The following IRAG2 variants were observed in gnomAD, a reference collection of about 807,000 sequenced individuals.
The protein encoded by IRAG2 is inositol 1,4,5-triphosphate receptor associated 2, also known as lymphoid restricted membrane protein.
A neutral mutation model predicts 69.9 loss-of-function variants in IRAG2; 45 were observed. That is an observed-to-expected ratio of 0.64 (90% CI 0.51 to 0.83). The LOEUF is 0.83. Ranked by LOEUF, IRAG2 falls within the 40% of genes least tolerant of loss-of-function variation. The probability of loss-of-function intolerance (pLI) is 0.00; values close to 1 mark genes in which losing one functional copy is unlikely to be tolerated. For synonymous variants in IRAG2, 193 were observed against 202.4 expected, an observed-to-expected ratio of 0.95 and a Z score of 0.40; for missense variants, 520 against 587.0, an observed-to-expected ratio of 0.89 and a Z score of 1.18.
Position 25,011,508 on chromosome 12 carries a change from C to T in IRAG2, c.853C>T (p.Gln285Ter), listed in dbSNP as rs1944474833. 11 of 1,231,548 alleles carry T rather than the reference C, an allele frequency of 8.9e-6. No homozygotes were observed. The highest frequency in any genetic ancestry group is 1.0e-5 in the Non-Finnish European group (10 of 987,952). The allele number at this position is 1,231,548 out of a possible 1,614,324, so 76.3% of individuals were successfully genotyped here. A position where few individuals can be genotyped will look rare whatever the true frequency, so the allele number is the denominator to read the frequency against. Reference sequence around the variant, plus strand: ...CCCACATGTGGACCTGGAAACTTTCCAGGCCATGATGAAAGACTGGATGGC... The same window carrying T: ...CCCACATGTGGACCTGGAAACTTTCTAGGCCATGATGAAAGACTGGATGGC... The change falls in exon 3 of 39, where the codon CAG (glutamine) becomes TAG (stop). Residue 285 changes from glutamine (Q) to a stop codon, truncating the protein, a stop_gained. Transcript: ENST00000636465. LOFTEE classifies it high-confidence loss of function.
intron 10 of IRAG2, among the ~76,000 whole-genome samples, chr12:25,085,702 A>T (rs867433668): frequency 1.1e-4 from 17 of 152,160 alleles, no homozygotes; most frequent in African/African-American, 4.1e-4. Flanking sequence ...CTCACTGGGG[A>T]CCCCGCCTTT....
rs1436751678 is a variant in IRAG2 at position 25,015,150 on chromosome 12, G to GTTTTT, written c.897-28_897-27insTTTTT. 1.2e-3 allele frequency: 1,138 copies of GTTTTT among 932,028 alleles called. 2 individuals carry two copies. The African/African-American group carries it at 0.014, about 11-fold the overall frequency. 57.7% of individuals were successfully genotyped at this position (932,028 alleles called of 1,614,324 possible). The stretch of plus-strand genomic sequence containing the variant: ...TCAGGCAAAGAATCCTAGCTCACTG[G>GTTTTT]TTTTGTTTTTTTTTTTTTTTTTTGG... On this transcript the variant is annotated intron_variant, in intron 3 of 38. Transcript: ENST00000636465.
At chr12:25,045,600 C>T (rs779957953) in intron 16 of IRAG2, among the ~76,000 whole-genome samples, 3 of 151,752 alleles carry the variant, frequency 2.0e-5, no homozygotes, top group Non-Finnish European at 4.4e-5. Flanking sequence ...CAATTTTATG[C>T]CAACAAATTA....
intron 15 of IRAG2, chr12:25,037,826 A>G (rs1018899245): frequency 2.5e-6 from 1 of 394,408 alleles, no homozygotes; most frequent in African/African-American, 2.1e-5. Context: ...TAATTAACAT[A>G]CAATTGAGAA....
chr12:25,036,954 T>A (rs1432511132), intron 15 of IRAG2, among the ~76,000 whole-genome samples: 1 of 152,198 alleles, frequency 6.6e-6, no homozygotes, highest in Non-Finnish European at 1.5e-5. Flanking sequence ...TTTATCTCCT[T>A]GTAAGAATTG....
At chr12:25,003,916 G>A (rs573037684), upstream of IRAG2, among the ~76,000 whole-genome samples, 19 of 152,314 alleles carry the variant, frequency 1.2e-4, no homozygotes, top group East Asian at 3.3e-3. Flanking sequence ...TAAATAAAAA[G>A]CAATGTGGTT....
At chr12:25,036,410 A>C (rs1944702516) in intron 14 of IRAG2, among the ~76,000 whole-genome samples, 1 of 152,226 alleles carries the variant, frequency 6.6e-6, no homozygotes, top group Non-Finnish European at 1.5e-5. Context: ...ATGATATAGC[A>C]TATACACATG....
At chr12:25,091,290 A>C (rs1948040342) in intron 14 of IRAG2, among the ~76,000 whole-genome samples, 1 of 152,152 alleles carries the variant, frequency 6.6e-6, no homozygotes, top group African/African-American at 2.4e-5. Flanking sequence ...GGTAACCATT[A>C]TCCTACTGAC....
chr12:25,083,529 G>A (rs1057289289), intron 10 of IRAG2, 36 bp downstream of exon 10: 4 of 1,302,448 alleles, frequency 3.1e-6, no homozygotes, highest in Admixed American at 1.7e-5. Context: ...AAAGGTGGTG[G>A]TATCTTACAA....
chr12:25,049,706 G>A (rs562373766), upstream of IRAG2, among the ~76,000 whole-genome samples: 12 of 152,266 alleles, frequency 7.9e-5, no homozygotes, highest in Admixed American at 2.6e-4. Flanking sequence ...TTAAAAGACG[G>A]CCGGATGCGG....
At position 25,083,506 on chromosome 12, in the gene IRAG2, G is replaced by T; in HGVS notation, c.315+13G>T. Reference sequence around the variant, plus strand: ...CATATTAAATCTGGTAAGGAAATACGTATGTTCACAACAAAGGTGGTGGTA... The same window carrying T: ...CATATTAAATCTGGTAAGGAAATACTTATGTTCACAACAAAGGTGGTGGTA... On this transcript the variant is annotated intron_variant, in intron 10 of 21. Transcript: ENST00000556887. The T allele has an allele frequency of 6.5e-7, 1 of 1,531,132 alleles. No individual in the cohort carries two copies. The highest frequency in any genetic ancestry group is 1.1e-5 in the South Asian group (1 of 88,976). The allele number at this position is 1,531,132 out of a possible 1,614,324, so 94.8% of individuals were successfully genotyped here.
In IRAG2 at chr12:25,077,209, G is replaced by GATATATATATATGAAATATATGAT. The variant is rs376784693; in HGVS notation, c.25-2027_25-2026insATATGAAATATATGATATATATAT. Among the ~76,000 whole-genome samples, 12 of 33,720 alleles carry GATATATATATATGAAATATATGAT rather than the reference G, an allele frequency of 3.6e-4. 1 individual carries two copies. The highest frequency in any genetic ancestry group is 9.0e-4 in the African/African-American group (11 of 12,252). The allele number at this position is 33,720 out of a possible 152,430, so 22.1% of individuals were successfully genotyped here. A position where few individuals can be genotyped will look rare whatever the true frequency, so the allele number is the denominator to read the frequency against. On this transcript the variant is annotated intron_variant, in intron 6 of 21. Transcript: ENST00000556887. ...TGATATATATATGAAATATATATAT[G>GATATATATATATGAAATATATGAT]ATATATATGAAATATATATGATATA...
intron 7 of IRAG2, chr12:25,021,091 C>CTTTTTTTTTTTTTCTTTTTT (rs1944575675): frequency 7.5e-6 from 2 of 266,022 alleles, no homozygotes; most frequent in East Asian, 5.7e-5. Context: ...TCTTTCTTTT[C>CTTTTTTTTTTTTTCTTTTTT]TTTTTTTTTT....
chr12:25,091,702 T>C (rs1383727499), intron 14 of IRAG2, among the ~76,000 whole-genome samples: 2 of 152,206 alleles, frequency 1.3e-5, no homozygotes, highest in Non-Finnish European at 2.9e-5. Context: ...TCATAGCAGC[T>C]ATATCATTTT....
intron 7 of IRAG2, among the ~76,000 whole-genome samples, chr12:25,022,142 G>A (rs1238326303): frequency 2.6e-5 from 4 of 152,222 alleles, no homozygotes; most frequent in Non-Finnish European, 5.9e-5. Flanking sequence ...AGGGCTGGGA[G>A]GGATAAATGA....
rs576819970 is a variant in IRAG2 at position 25,068,862 on chromosome 12, C to T, written c.-58-488C>T. ...CTGGGGGCATTGATCACAATATCAA[C>T]GACATCCTCCTAAGTTAACTTAGAC... On this transcript the variant is annotated intron_variant, in intron 5 of 21. Transcript: ENST00000556887. 8.5e-5 allele frequency among the ~76,000 whole-genome samples: 13 copies of T among 152,278 alleles called. No individual in the cohort carries two copies. In the South Asian group the frequency reaches 2.1e-3, roughly 24 times the overall value.
At chr12:25,014,267 GAAAA>G (rs1445090202) in intron 3 of IRAG2, among the ~76,000 whole-genome samples, 1 of 151,874 alleles carries the variant, frequency 6.6e-6, no homozygotes, top group Non-Finnish European at 1.5e-5. Flanking sequence ...GAAGACAAAA[GAAAA>G]AACATTTTTA....
At chr12:25,043,578 C>T (rs1944767842) in intron 16 of IRAG2, among the ~76,000 whole-genome samples, 1 of 152,084 alleles carries the variant, frequency 6.6e-6, no homozygotes, top group African/African-American at 2.4e-5. Flanking sequence ...TTTCTGGATG[C>T]TGCCCAAAGA....
At chr12:25,008,766 C>T (rs1944451852) in intron 2 of IRAG2, among the ~76,000 whole-genome samples, 1 of 152,064 alleles carries the variant, frequency 6.6e-6, no homozygotes, top group African/African-American at 2.4e-5. Context: ...AGCTGAGCAA[C>T]ATAATTGCTA....
Sources: allele counts gnomAD v4.1 joint callset (sites outside exome capture counted in the v4.1 genomes callset), GRCh38; gene constraint gnomAD v4.1.1; transcripts MANE v1.5; gene names NCBI Gene and HGNC (gene_info 2026-07-23, HGNC 2026-07-21).